The following DNM3 variants were observed in gnomAD, a reference collection of about 807,000 sequenced individuals.
DNM3 encodes the protein dynamin-3.
A neutral mutation model predicts 101.6 loss-of-function variants in DNM3; 47 were observed. The observed-to-expected ratio is 0.46, with a 90% confidence interval of 0.37 to 0.59. DNM3 has a LOEUF of 0.59. Among genes scored for constraint, DNM3 ranks in the 20% least tolerant of loss-of-function variants. DNM3 has a pLI of 0.00. For missense variants in DNM3, 849 were observed against 1,085.7 expected, an observed-to-expected ratio of 0.78 and a Z score of 3.06; for synonymous variants, 385 against 387.9, an observed-to-expected ratio of 0.99 and a Z score of 0.09.
intron 1 of DNM3, among the ~76,000 whole-genome samples, chr1:171,900,189 G>A (rs1240781600): frequency 6.6e-6 from 1 of 152,218 alleles, no homozygotes; most frequent in Non-Finnish European, 1.5e-5. Context: ...AAATAAACAA[G>A]GAGGGACAGA....
intron 2 of DNM3, among the ~76,000 whole-genome samples, chr1:171,929,250 G>A (rs2040817308): frequency 6.6e-6 from 1 of 152,086 alleles, no homozygotes; most frequent in African/African-American, 2.4e-5. Context: ...CTGTCCCAGG[G>A]TGGTTTGAAA....
chr1:172,372,406 A>G (rs1158441472), intron 17 of DNM3, among the ~76,000 whole-genome samples: 1 of 151,862 alleles, frequency 6.6e-6, no homozygotes, highest in Non-Finnish European at 1.5e-5. Context: ...ATCCAGAATT[A>G]TTTCATTTAT....
intron 2 of DNM3, among the ~76,000 whole-genome samples, chr1:171,951,870 A>C (rs1202719507): frequency 6.6e-6 from 1 of 152,198 alleles, no homozygotes; most frequent in East Asian, 1.9e-4. Flanking sequence ...CATTTTAGGG[A>C]GATACAAATT....
At chr1:172,312,005 G>A (rs1156564783) in intron 16 of DNM3, among the ~76,000 whole-genome samples, 1 of 152,068 alleles carries the variant, frequency 6.6e-6, no homozygotes, top group African/African-American at 2.4e-5. Context: ...TTACATAATT[G>A]CTTGACTTTC....
At chr1:172,042,838 A>G (rs564946388) in intron 8 of DNM3, among the ~76,000 whole-genome samples, 4 of 152,310 alleles carry the variant, frequency 2.6e-5, no homozygotes, top group South Asian at 4.1e-4. Context: ...ATACTTAACA[A>G]TGGGAAGTTA....
intron 13 of DNM3, among the ~76,000 whole-genome samples, chr1:172,095,229 G>C (rs1033420874): frequency 2.0e-5 from 3 of 152,138 alleles, no homozygotes; most frequent in Non-Finnish European, 4.4e-5. Context: ...TGGAGTTAGA[G>C]ACAGCACCAT....
intron 14 of DNM3, among the ~76,000 whole-genome samples, chr1:172,182,138 C>T (rs1040851750): frequency 6.7e-6 from 1 of 149,868 alleles, no homozygotes; most frequent in African/African-American, 2.5e-5. Flanking sequence ...CAAGCTGGGA[C>T]GTGAAGTCTG....
At chr1:171,929,404 G>T (rs1416099060) in intron 2 of DNM3, among the ~76,000 whole-genome samples, 2 of 152,172 alleles carry the variant, frequency 1.3e-5, no homozygotes, top group Non-Finnish European at 2.9e-5. Context: ...TGTGCTGGGG[G>T]TCCCTTCAGT....
chr1:172,063,847 TAATA>T (rs1433638601), intron 10 of DNM3, among the ~76,000 whole-genome samples: 2 of 151,952 alleles, frequency 1.3e-5, no homozygotes, highest in Non-Finnish European at 1.5e-5. Context: ...ATTTGCTGTA[TAATA>T]AATGTATAGC....
intron 17 of DNM3, among the ~76,000 whole-genome samples, chr1:172,334,117 A>T (rs1277600586): frequency 6.6e-6 from 1 of 152,230 alleles, no homozygotes; most frequent in Non-Finnish European, 1.5e-5. Flanking sequence ...CCCAATTAAG[A>T]AACCGAAAAA....
chr1:172,263,100 G>C (rs1414043729), intron 15 of DNM3, among the ~76,000 whole-genome samples: 1 of 152,176 alleles, frequency 6.6e-6, no homozygotes, highest in Non-Finnish European at 1.5e-5. Context: ...CTGAAATGAA[G>C]TGGCCTTTCA....
At chr1:172,335,220 C>T (rs989737097) in intron 17 of DNM3, among the ~76,000 whole-genome samples, 9 of 152,048 alleles carry the variant, frequency 5.9e-5, no homozygotes, top group Non-Finnish European at 1.2e-4. Flanking sequence ...AAGCTAAACC[C>T]AAAGATTCAG....
At chr1:172,340,469 T>C (rs1317194866) in intron 17 of DNM3, among the ~76,000 whole-genome samples, 2 of 152,196 alleles carry the variant, frequency 1.3e-5, no homozygotes, top group African/African-American at 4.8e-5. Flanking sequence ...TGGTCTGCTT[T>C]ACAAGATCAC....
At chr1:171,906,497 T>C (rs1185240919) in intron 1 of DNM3, among the ~76,000 whole-genome samples, 1 of 152,156 alleles carries the variant, frequency 6.6e-6, no homozygotes, top group Non-Finnish European at 1.5e-5. Flanking sequence ...TAATAGTTTC[T>C]TTTTAAATAA....
At chr1:172,365,304 T>C (rs1001481356) in intron 17 of DNM3, among the ~76,000 whole-genome samples, 4 of 151,982 alleles carry the variant, frequency 2.6e-5, no homozygotes, top group Non-Finnish European at 5.9e-5. Flanking sequence ...TTGAGAAGTA[T>C]AGACGGAACA....
chr1:172,156,276 CA>C (rs1355875118), intron 14 of DNM3, among the ~76,000 whole-genome samples: 3 of 152,068 alleles, frequency 2.0e-5, no homozygotes, highest in Non-Finnish European at 4.4e-5. Flanking sequence ...GTATAGATAA[CA>C]GCTCAGTTAG....
intron 1 of DNM3, among the ~76,000 whole-genome samples, chr1:171,910,522 GC>G (rs2039209875): frequency 6.6e-6 from 1 of 152,166 alleles, no homozygotes; most frequent in Non-Finnish European, 1.5e-5. Context: ...GTAAGGGGGA[GC>G]TACTGAACAG....
At chr1:172,213,178 G>A (rs572746937) in intron 14 of DNM3, among the ~76,000 whole-genome samples, 4 of 152,118 alleles carry the variant, frequency 2.6e-5, no homozygotes, top group Admixed American at 2.0e-4. Flanking sequence ...CATCAGGTCC[G>A]GGCCACAGCT....
intron 4 of DNM3, among the ~76,000 whole-genome samples, chr1:171,998,864 A>G (rs1249801074): frequency 6.6e-6 from 1 of 152,050 alleles, no homozygotes; most frequent in African/African-American, 2.4e-5. Flanking sequence ...AGTAAGCACA[A>G]AGGAATGAGA....
Sources: gnomAD v4.1 joint callset for allele counts (sites outside exome capture counted in the v4.1 genomes callset) on GRCh38, gnomAD v4.1.1 for gene constraint, MANE v1.5 for transcripts, NCBI Gene and HGNC (gene_info 2026-07-23, HGNC 2026-07-21) for gene names.